The following DOK6 variants were observed in gnomAD, a reference collection of about 807,000 sequenced individuals.
DOK6 encodes docking protein 6.
Under a neutral mutation model 44.0 loss-of-function variants are expected in DOK6, and 22 were observed. The observed-to-expected ratio is 0.50, with a 90% CI of 0.36 to 0.71. The LOEUF (loss-of-function observed/expected upper bound fraction) is 0.71, where lower values mean the gene tolerates loss of function less well. Among genes scored for constraint, DOK6 ranks in the 30% least tolerant of loss-of-function variants. The pLI, the probability that DOK6 is intolerant of heterozygous loss-of-function variation, is 0.00. For missense variants in DOK6, 340 were observed against 416.4 expected (o/e 0.82, Z 1.60); for synonymous variants, 166 against 145.5 (o/e 1.14, Z -1.01).
chr18:69,824,513 C>T (rs1981684933), intron 7 of DOK6, among the ~76,000 whole-genome samples: 1 of 151,844 alleles, frequency 6.6e-6, no homozygotes, highest in Non-Finnish European at 1.5e-5. Flanking sequence ...AGGCACGTGC[C>T]ACCATGCCAA....
intron 6 of DOK6, among the ~76,000 whole-genome samples, chr18:69,742,143 G>C (rs1978822586): frequency 1.3e-5 from 2 of 152,112 alleles, no homozygotes; most frequent in East Asian, 3.9e-4. Flanking sequence ...GGCCAGGCAC[G>C]GTGGCTCATG....
At chr18:69,774,110 G>T (rs796560775) in intron 7 of DOK6, among the ~76,000 whole-genome samples, 3 of 26,334 alleles carry the variant, frequency 1.1e-4, no homozygotes, top group East Asian at 5.0e-3. Context: ...ATATGAGATA[G>T]ATTTATATAG....
At chr18:69,613,205 G>T (rs1984205349) in intron 3 of DOK6, among the ~76,000 whole-genome samples, 1 of 152,156 alleles carries the variant, frequency 6.6e-6, no homozygotes. Flanking sequence ...TAAAGACTAT[G>T]TGCTTTGTGC....
chr18:69,529,082 T>C (rs1464696423), intron 1 of DOK6, among the ~76,000 whole-genome samples: 1 of 152,200 alleles, frequency 6.6e-6, no homozygotes, highest in Non-Finnish European at 1.5e-5. Flanking sequence ...GTGTGCTTTG[T>C]GCATAGATGT....
chr18:69,650,262 T>A (rs1444539502), intron 3 of DOK6, among the ~76,000 whole-genome samples: 1 of 152,208 alleles, frequency 6.6e-6, no homozygotes, highest in Admixed American at 6.5e-5. Context: ...ACTACTGCTC[T>A]GTGGGTTGAA....
chr18:69,571,031 T>C (rs1008448160), intron 2 of DOK6, among the ~76,000 whole-genome samples: 4 of 152,036 alleles, frequency 2.6e-5, no homozygotes, highest in Non-Finnish European at 2.9e-5. Flanking sequence ...TTTGTCATTA[T>C]ATATGTATAC....
At chr18:69,481,612 C>T (rs2144530958) in intron 1 of DOK6, among the ~76,000 whole-genome samples, 1 of 152,264 alleles carries the variant, frequency 6.6e-6, no homozygotes, top group Middle Eastern at 3.4e-3. Context: ...TTTCTTAATC[C>T]AGTCTATCAT....
At chr18:69,517,542 A>G (rs903000135) in intron 1 of DOK6, among the ~76,000 whole-genome samples, 1 of 152,032 alleles carries the variant, frequency 6.6e-6, no homozygotes, top group Non-Finnish European at 1.5e-5. Flanking sequence ...CATTTCTTGT[A>G]TGTATGTATG....
intron 1 of DOK6, among the ~76,000 whole-genome samples, chr18:69,513,500 C>T (rs1461589357): frequency 6.6e-6 from 1 of 152,164 alleles, no homozygotes; most frequent in African/African-American, 2.4e-5. Flanking sequence ...AAGTGGTTTC[C>T]AAAGAAAAAG....
At chr18:69,755,024 T>C (rs1313355772) in intron 6 of DOK6, among the ~76,000 whole-genome samples, 2 of 152,160 alleles carry the variant, frequency 1.3e-5, no homozygotes, top group African/African-American at 4.8e-5. Context: ...AGAAAATCCA[T>C]GATCAATTTT....
At chr18:69,702,134 G>GT (rs34123199) in intron 5 of DOK6, among the ~76,000 whole-genome samples, 36,090 of 126,300 alleles carry the variant, frequency 0.29, 5,145 homozygotes, top group Middle Eastern at 0.37. Flanking sequence ...TTCTGGGTTG[G>GT]TTTTTTTTTT....
intron 4 of DOK6, among the ~76,000 whole-genome samples, chr18:69,681,483 C>T (rs1172176450): frequency 5.9e-5 from 9 of 152,100 alleles, no homozygotes; most frequent in Admixed American, 3.9e-4. Flanking sequence ...GTTTTCATAT[C>T]GACCCAGAAT....
chr18:69,414,906 C>T (rs887505218), intron 1 of DOK6, among the ~76,000 whole-genome samples: 1 of 151,934 alleles, frequency 6.6e-6, no homozygotes, highest in Non-Finnish European at 1.5e-5. Context: ...GTGGAAGTAG[C>T]GTAGAAAAAT....
rs562217786 is a variant in DOK6, at chr18:69,720,158, C to T, written c.600-18807C>T. Reference sequence around the variant, plus strand: ...GAGCCCAGATTGTGCCACTGCACTCCAGCCTGGGCAACAGAGGGAGACTGA... The same window carrying T: ...GAGCCCAGATTGTGCCACTGCACTCTAGCCTGGGCAACAGAGGGAGACTGA... On this transcript the variant is annotated intron_variant, in intron 5 of 7. Transcript: ENST00000382713. 2.0e-5 allele frequency among the ~76,000 whole-genome samples: 3 copies of T among 152,144 alleles called. No homozygotes were observed. In the East Asian group the frequency reaches 5.8e-4, roughly 29 times the overall value.
chr18:69,476,908 T>G lies in DOK6; in HGVS notation c.66+75598T>G, dbSNP rs1980281127. ...ACAGAGAACAATGAGACTGAAGGAA[T>G]CTAAAGGGGCCAGTGGAATTTATAG... On this transcript the variant is annotated intron_variant, in intron 1 of 7. Coordinates refer to ENST00000382713, the MANE Select transcript of DOK6 (RefSeq NM_152721.6). Among the ~76,000 whole-genome samples, 2 of 152,248 alleles carry G rather than the reference T, an allele frequency of 1.3e-5. 1 individual carries two copies. The highest frequency in any genetic ancestry group is 4.1e-4 in the South Asian group (2 of 4,828).
chr18:69,810,786 A>G (rs896038638), intron 7 of DOK6, among the ~76,000 whole-genome samples: 2 of 152,150 alleles, frequency 1.3e-5, no homozygotes, highest in East Asian at 3.9e-4. Context: ...ATTGTCAAAC[A>G]GACAAAAAAG....
chr18:69,418,786 T>G (rs1021371800), intron 1 of DOK6, among the ~76,000 whole-genome samples: 12 of 152,054 alleles, frequency 7.9e-5, no homozygotes, highest in African/African-American at 2.9e-4. Flanking sequence ...AGCTTCAAAA[T>G]AAACATAAAG....
intron 7 of DOK6, among the ~76,000 whole-genome samples, chr18:69,801,791 T>C (rs1980912872): frequency 6.6e-6 from 1 of 152,198 alleles, no homozygotes; most frequent in Admixed American, 6.6e-5. Context: ...GCTTTTCCCT[T>C]GCCTGGGCAA....
intron 3 of DOK6, among the ~76,000 whole-genome samples, chr18:69,636,352 G>A (rs779027301): frequency 1.2e-4 from 19 of 152,112 alleles, no homozygotes; most frequent in Non-Finnish European, 2.4e-4. Flanking sequence ...GAGGACAAGT[G>A]GCACAGACCC....
Sources: gnomAD v4.1 joint callset for allele counts (sites outside exome capture counted in the v4.1 genomes callset) on GRCh38, gnomAD v4.1.1 for gene constraint, MANE v1.5 for transcripts, NCBI Gene and HGNC (gene_info 2026-07-23, HGNC 2026-07-21) for gene names.